The following PTCHD4 variants were observed in gnomAD, a reference collection of about 807,000 sequenced individuals.
The protein encoded by PTCHD4 is patched domain-containing protein 4.
In PTCHD4, 33 loss-of-function variants were observed where a neutral mutation model predicts 58.1. That is an observed-to-expected ratio of 0.57 (90% CI 0.43 to 0.76). PTCHD4 has a LOEUF of 0.76. Among genes scored for constraint, PTCHD4 ranks in the 30% least tolerant of loss-of-function variants. The probability of loss-of-function intolerance (pLI) is 0.00; values close to 1 mark genes in which losing one functional copy is unlikely to be tolerated. For synonymous variants in PTCHD4, 478 were observed against 409.6 expected, an observed-to-expected ratio of 1.17 and a Z score of -2.02; for missense variants, 1,058 against 1,027.1, an observed-to-expected ratio of 1.03 and a Z score of -0.41.
chr6:47,960,075 C>T (rs951770659), intron 4 of PTCHD4, among the ~76,000 whole-genome samples: 1 of 151,930 alleles, frequency 6.6e-6, no homozygotes, highest in East Asian at 1.9e-4. Flanking sequence ...ACAAGACCAA[C>T]AAGTGAGAAA....
chr6:48,089,209 C>T (rs1220302631), intron 1 of PTCHD4, among the ~76,000 whole-genome samples: 1 of 152,088 alleles, frequency 6.6e-6, no homozygotes, highest in Non-Finnish European at 1.5e-5. Flanking sequence ...GTAGTGATAG[C>T]AGAAGAATTT....
At chr6:47,941,165 G>A (rs1486225359) in intron 4 of PTCHD4, among the ~76,000 whole-genome samples, 1 of 152,202 alleles carries the variant, frequency 6.6e-6, no homozygotes, top group Non-Finnish European at 1.5e-5. Context: ...TGCTAGCTGG[G>A]TTTCTGATTA....
chr6:47,981,890 T>G (rs1318767758), intron 4 of PTCHD4, among the ~76,000 whole-genome samples: 1 of 152,186 alleles, frequency 6.6e-6, no homozygotes, highest in Non-Finnish European at 1.5e-5. Flanking sequence ...CCAGGCTCAT[T>G]TTTGTGAGGA....
At chr6:48,002,754 TATA>T (rs139742079) in intron 4 of PTCHD4, among the ~76,000 whole-genome samples, 4,406 of 149,402 alleles carry the variant, frequency 0.029, 197 homozygotes, top group African/African-American at 0.096. Context: ...AAACTTAAAG[TATA>T]ATAATAATAA....
intron 4 of PTCHD4, among the ~76,000 whole-genome samples, chr6:47,896,082 G>T (rs1466740171): frequency 6.6e-6 from 1 of 152,142 alleles, no homozygotes; most frequent in Non-Finnish European, 1.5e-5. Context: ...CTGAGGTTTT[G>T]GGGAGAAGTA....
intron 4 of PTCHD4, among the ~76,000 whole-genome samples, chr6:47,919,482 A>G (rs1345610194): frequency 1.3e-5 from 2 of 152,226 alleles, no homozygotes; most frequent in South Asian, 4.1e-4. Context: ...AGGAGTTGGC[A>G]ATTAGGAAAT....
At chr6:47,912,369 T>A (rs1765097061) in intron 4 of PTCHD4, among the ~76,000 whole-genome samples, 3 of 151,458 alleles carry the variant, frequency 2.0e-5, no homozygotes, top group Non-Finnish European at 2.9e-5. Flanking sequence ...GGGCCAGAAG[T>A]TCTCAGTTGG....
intron 1 of PTCHD4, among the ~76,000 whole-genome samples, chr6:48,090,544 C>T (rs921574251): frequency 3.3e-5 from 5 of 152,044 alleles, no homozygotes; most frequent in Non-Finnish European, 7.4e-5. Flanking sequence ...TGAGACCTGC[C>T]TAATTCCAAA....
chr6:47,945,128 C>T (rs990195420), intron 4 of PTCHD4, among the ~76,000 whole-genome samples: 8 of 151,800 alleles, frequency 5.3e-5, no homozygotes, highest in Non-Finnish European at 1.0e-4. Context: ...CCATGGAAAC[C>T]GAGAAGGAAA....
At chr6:47,906,469 C>T (rs116384427) in intron 4 of PTCHD4, among the ~76,000 whole-genome samples, 1,879 of 152,184 alleles carry the variant, frequency 0.012, 43 homozygotes, top group African/African-American at 0.043. Flanking sequence ...TGGTGTTAGG[C>T]CACGAGCCAT....
intron 1 of PTCHD4, among the ~76,000 whole-genome samples, chr6:48,085,901 T>A (rs185538425): frequency 9.8e-5 from 15 of 152,314 alleles, no homozygotes; most frequent in South Asian, 2.1e-4. Flanking sequence ...ATCGTGTCAT[T>A]GCTTAAAAAA....
chr6:47,891,208 T>A (rs556966206), intron 4 of PTCHD4, among the ~76,000 whole-genome samples: 3 of 113,808 alleles, frequency 2.6e-5, no homozygotes, highest in Non-Finnish European at 1.7e-5. Context: ...GGTGACAGAG[T>A]GAGACTGTGT....
intron 4 of PTCHD4, among the ~76,000 whole-genome samples, chr6:47,906,495 T>C (rs1764891803): frequency 6.6e-6 from 1 of 152,120 alleles, no homozygotes; most frequent in Non-Finnish European, 1.5e-5. Flanking sequence ...CTGGTTCTTT[T>C]GAGGGGTGGG....
At chr6:48,086,447 C>A (rs1314725652) in intron 1 of PTCHD4, among the ~76,000 whole-genome samples, 1 of 150,564 alleles carries the variant, frequency 6.6e-6, no homozygotes, top group Non-Finnish European at 1.5e-5. Flanking sequence ...TAATAAAAGT[C>A]TAGTATCCAT....
intron 3 of PTCHD4, among the ~76,000 whole-genome samples, chr6:48,030,371 T>C (rs757230606): frequency 6.6e-6 from 1 of 152,126 alleles, no homozygotes; most frequent in Non-Finnish European, 1.5e-5. Flanking sequence ...GCTTTTGTTA[T>C]TTACCTGTAA....
rs953140188 is a variant in PTCHD4 at position 47,865,522 on chromosome 6, A to G, written c.*12781T>C. On this transcript the variant is annotated 3_prime_UTR_variant, in exon 5 of 5. Transcript: ENST00000339488. The stretch of plus-strand genomic sequence containing the variant: ...TAATAACTAGTTACTGTTATACCAC[A>G]TTAAATTCACTAATGTGAATATTGT... 5.9e-5 allele frequency among the ~76,000 whole-genome samples: 9 copies of G among 151,936 alleles called. No homozygotes were observed. Among genetic ancestry groups the G allele is most frequent in the Non-Finnish European group, 1.3e-4 (9 of 67,904 alleles).
At chr6:48,109,459 C>G (rs1184837908) in intron 1 of PTCHD4, among the ~76,000 whole-genome samples, 1 of 152,052 alleles carries the variant, frequency 6.6e-6, no homozygotes. Flanking sequence ...AGACCTGGAA[C>G]TATGAAATTC....
chr6:48,058,874 T>G (rs1764511947), intron 3 of PTCHD4, among the ~76,000 whole-genome samples: 1 of 152,228 alleles, frequency 6.6e-6, no homozygotes, highest in South Asian at 2.1e-4. Context: ...AGGGTCTATG[T>G]CCATCTTATT....
chr6:47,906,086 T>C (rs1764875463), intron 4 of PTCHD4, among the ~76,000 whole-genome samples: 1 of 152,238 alleles, frequency 6.6e-6, no homozygotes, highest in Non-Finnish European at 1.5e-5. Flanking sequence ...GTTGAAATAC[T>C]TCACAGAAGT....
Sources: allele counts gnomAD v4.1 joint callset (sites outside exome capture counted in the v4.1 genomes callset), GRCh38; gene constraint gnomAD v4.1.1; transcripts MANE v1.5; gene names NCBI Gene and HGNC (gene_info 2026-07-23, HGNC 2026-07-21).